TMEM204: variants seen among roughly 807,000 people sequenced by gnomAD.
TMEM204 encodes the protein claudin-like protein 24.
Under a neutral mutation model 19.4 loss-of-function variants are expected in TMEM204, and 15 were observed. The observed-to-expected ratio is 0.77, with a 90% CI of 0.52 to 1.19. The LOEUF (loss-of-function observed/expected upper bound fraction) is 1.19. Among genes scored for constraint, TMEM204 ranks in the 50% most tolerant of loss-of-function variants. TMEM204 has a pLI of 0.00. For synonymous variants in TMEM204, 161 were observed against 146.0 expected (o/e 1.10, Z -0.74); for missense variants, 287 against 321.2 (o/e 0.89, Z 0.81).
upstream of TMEM204, among the ~76,000 whole-genome samples, chr16:1,530,133 CTTTT>C (rs922819138): frequency 3.2e-4 from 28 of 88,582 alleles, no homozygotes; most frequent in African/African-American, 9.8e-4. Flanking sequence ...CGACGGGAAT[CTTTT>C]TTTTTTTTTT....
upstream of TMEM204, chr16:1,528,696 AGCAGGGCAGCAGCCC>A (rs1423164114): frequency 6.5e-6 from 1 of 153,382 alleles, no homozygotes; most frequent in East Asian, 1.9e-4. Flanking sequence ...CCACAGTCTT[AGCAGGGCAGCAGCCC>A]TGCAGCCTCC....
At chr16:1,529,401 C>T (rs534351040), upstream of TMEM204, among the ~76,000 whole-genome samples, 8 of 152,340 alleles carry the variant, frequency 5.3e-5, no homozygotes, top group South Asian at 1.2e-3. Context: ...TGGGGCTCCT[C>T]ACAGCACCTG....
intron 2 of TMEM204, among the ~76,000 whole-genome samples, chr16:1,549,857 C>T (rs1395654256): frequency 6.6e-6 from 1 of 152,244 alleles, no homozygotes; most frequent in Non-Finnish European, 1.5e-5. Context: ...TGATCTGCCA[C>T]CTTGATTACT....
At chr16:1,534,648 AG>A in intron 1 of TMEM204, 93 bp downstream of exon 1, 1 of 1,556,484 alleles carries the variant, frequency 6.4e-7, no homozygotes, top group Admixed American at 1.7e-5. Context: ...GCGGGTGGGG[AG>A]GCCTGGCCCC....
rs915978395 is a variant in TMEM204 at position 1,553,733 on chromosome 16, C to T, written c.437-1049C>T. 4 of 1,138,300 alleles carry T rather than the reference C, an allele frequency of 3.5e-6. No individual in the cohort carries two copies. The highest frequency in any genetic ancestry group is 4.4e-6 in the Non-Finnish European group (4 of 913,834). The allele number at this position is 1,138,300 out of a possible 1,614,324, so 70.5% of individuals were successfully genotyped here. On this transcript the variant is annotated intron_variant, in intron 2 of 2. Transcript: ENST00000566264. This position sits in a 1 kb window ranked among gnomAD's most constrained non-coding sequence, Gnocchi z 4.4. ...TCCAGGACAATCTGTGGCCACATCCCCATGGCTGTAGGGGATGAGGAGGGG... is the reference window on the plus strand; with the variant it reads ...TCCAGGACAATCTGTGGCCACATCCTCATGGCTGTAGGGGATGAGGAGGGG...
chr16:1,531,383 T>G (rs2030475781), upstream of TMEM204: 1 of 152,132 alleles, frequency 6.6e-6, no homozygotes, highest in Non-Finnish European at 1.5e-5. The surrounding 1 kb of genome is among the most constrained non-coding windows in gnomAD (Gnocchi z 4.7). Flanking sequence ...AACAGCGGCT[T>G]GACGATCATG....
At chr16:1,541,619 G>T in intron 1 of TMEM204, 2 of 488,782 alleles carry the variant, frequency 4.1e-6, no homozygotes, top group Non-Finnish European at 5.3e-6. Flanking sequence ...AGGCAGAGAG[G>T]AACAGCTGTC....
At chr16:1,549,814 C>T (rs1012674383) in intron 2 of TMEM204, among the ~76,000 whole-genome samples, 6 of 152,164 alleles carry the variant, frequency 3.9e-5, no homozygotes, top group African/African-American at 1.4e-4. Flanking sequence ...TGCTTTGTGA[C>T]GGTCCCTGCC....
At chr16:1,531,418 C>A (rs888515965), upstream of TMEM204, 2 of 152,236 alleles carry the variant, frequency 1.3e-5, no homozygotes, top group Non-Finnish European at 1.5e-5. This position sits in a 1 kb window ranked among gnomAD's most constrained non-coding sequence, Gnocchi z 4.7. Context: ...CCCCTCCCTC[C>A]GTGTCCCTGT....
intron 1 of TMEM204, chr16:1,541,333 C>G: frequency 3.0e-6 from 3 of 985,268 alleles, no homozygotes; most frequent in Non-Finnish European, 3.6e-6. Flanking sequence ...CCCTGCTCAG[C>G]CCCTTGCTGG....
chr16:1,532,084 A>C (rs2030554227), upstream of TMEM204: 1 of 152,244 alleles, frequency 6.6e-6, no homozygotes, highest in African/African-American at 2.4e-5. Context: ...TGTTTGAGAC[A>C]CTGCACCCCC....
In TMEM204 at chr16:1,551,951, G is replaced by A. The variant is rs111955121; in HGVS notation, c.437-2831G>A. Among the ~76,000 whole-genome samples the A allele has an allele frequency of 4.6e-5, 7 of 152,248 alleles. No homozygotes were observed. Among genetic ancestry groups the A allele is most frequent in the African/African-American group, 1.4e-4 (6 of 41,546 alleles). ...GTCCCCGGGGCCTCTCCCTGGTGAC[G>A]TGTGGCCCGCGCTGTCCCCCTGCAA... On this transcript the variant is annotated intron_variant, in intron 2 of 2. Coordinates refer to ENST00000566264, the MANE Select transcript of TMEM204 (RefSeq NM_024600.6). This position sits in a 1 kb window ranked among gnomAD's most constrained non-coding sequence, Gnocchi z 4.0.
intron 2 of TMEM204, among the ~76,000 whole-genome samples, chr16:1,552,238 G>A (rs372525145): frequency 1.3e-3 from 199 of 152,266 alleles, no homozygotes; most frequent in African/African-American, 4.6e-3. Context: ...AGTTACTGCC[G>A]GTATAACCTC....
intron 2 of TMEM204, among the ~76,000 whole-genome samples, chr16:1,543,753 G>T (rs916751471): frequency 2.0e-5 from 3 of 152,208 alleles, no homozygotes; most frequent in African/African-American, 7.2e-5. Flanking sequence ...ACCCAGGCTA[G>T]GAAAGCTCCC....
upstream of TMEM204, among the ~76,000 whole-genome samples, chr16:1,530,014 G>A (rs915502922): frequency 6.6e-6 from 1 of 152,154 alleles, no homozygotes; most frequent in African/African-American, 2.4e-5. Flanking sequence ...TCTAACATCT[G>A]GGTGGTGGCA....
Position 1,555,237 on chromosome 16 carries a change from T to G in TMEM204, c.*211T>G, listed in dbSNP as rs984194072. Reference sequence around the variant, plus strand: ...TGTCGTGGGCCAACCTCGTTCTGCCTCCAGCTTTCCTGGTTAGCGCAACGC... The same window carrying G: ...TGTCGTGGGCCAACCTCGTTCTGCCGCCAGCTTTCCTGGTTAGCGCAACGC... On this transcript the variant is annotated 3_prime_UTR_variant, in exon 3 of 3. Coordinates refer to ENST00000566264, the MANE Select transcript of TMEM204 (RefSeq NM_024600.6). 2.8e-5 allele frequency: 17 copies of G among 610,320 alleles called. No individual in the cohort carries two copies. Among genetic ancestry groups the G allele is most frequent in the Admixed American group, 9.6e-5 (3 of 31,258 alleles). The allele number at this position is 610,320 out of a possible 1,614,324, so 37.8% of individuals were successfully genotyped here.
intron 1 of TMEM204, chr16:1,540,987 G>A (rs1386446612): frequency 2.0e-6 from 2 of 985,238 alleles, no homozygotes; most frequent in Admixed American, 6.2e-5. Flanking sequence ...CACCTCATTT[G>A]GGCCCCTGTG....
Position 1,541,985 on chromosome 16 carries a change from C to T in TMEM204, c.345C>T (p.Leu115=). 6.2e-7 allele frequency: 1 copy of T among 1,611,238 alleles called. No individual in the cohort carries two copies. Among genetic ancestry groups the T allele is most frequent in the Non-Finnish European group, 8.5e-7 (1 of 1,179,688 alleles). The change falls in exon 2 of 3, where the codon CTC becomes CTT. Residue 115 remains leucine, a synonymous_variant. Coordinates refer to ENST00000566264, the MANE Select transcript of TMEM204 (RefSeq NM_024600.6). ...CGGCCGCGCTCACCGCAGGCCAGCT[C>T]ACCTTCCTCCTGGGGCTGGTGGGCC... is the stretch of plus-strand genomic sequence containing the variant. ...VATAALTAGQ[L]TFLLGLVGLP...
Position 1,541,926 on chromosome 16 carries a change from T to C in TMEM204, c.286T>C (p.Phe96Leu). ...TCTCTGCTCTTGGCCCACAGTGCAGTTCGACATGATGCGCGCCTGCAACCT... is the reference window on the plus strand; with the variant it reads ...TCTCTGCTCTTGGCCCACAGTGCAGCTCGACATGATGCGCGCCTGCAACCT... ...QESRGTVKLQ[F>L]DMMRACNLVA... Residue 96 changes from phenylalanine to leucine, a missense_variant, in exon 2 of 3, where the codon TTC (phenylalanine) becomes CTC (leucine). Phe to Leu is a conservative substitution (Grantham distance 22, BLOSUM62 0). Coordinates refer to ENST00000566264, the MANE Select transcript of TMEM204 (RefSeq NM_024600.6). The C allele has an allele frequency of 6.2e-7, 1 of 1,600,680 alleles. No homozygotes were observed. Among genetic ancestry groups the C allele is most frequent in the Non-Finnish European group, 8.5e-7 (1 of 1,174,148 alleles).
Sources: allele counts gnomAD v4.1 joint callset (sites outside exome capture counted in the v4.1 genomes callset), GRCh38; gene constraint gnomAD v4.1.1; non-coding constraint Gnocchi (gnomAD v3.1); transcripts MANE v1.5; gene names NCBI Gene and HGNC (gene_info 2026-07-23, HGNC 2026-07-21).